The following DIAPH3 variants were observed in gnomAD, a reference collection of about 807,000 sequenced individuals.
DIAPH3 encodes diaphanous related formin 3, also known as protein diaphanous homolog 3.
Under a neutral mutation model 144.3 loss-of-function variants are expected in DIAPH3, and 117 were observed. The observed-to-expected ratio is 0.81, with a 90% CI of 0.70 to 0.95. The LOEUF (loss-of-function observed/expected upper bound fraction) is 0.95. Among genes scored for constraint, DIAPH3 ranks in the 40% least tolerant of loss-of-function variants. The pLI is 0.00. For missense variants in DIAPH3, 1,421 were observed against 1,412.7 expected (o/e 1.01, Z -0.09); for synonymous variants, 519 against 488.9 (o/e 1.06, Z -0.81).
chr13:59,940,332 T>C (rs1485226181), intron 17 of DIAPH3, among the ~76,000 whole-genome samples: 1 of 152,196 alleles, frequency 6.6e-6, no homozygotes, highest in Non-Finnish European at 1.5e-5. Context: ...TATCCCTTAC[T>C]GTAAACTCCC....
At chr13:59,926,649 C>T (rs1466552902) in intron 17 of DIAPH3, among the ~76,000 whole-genome samples, 1 of 152,060 alleles carries the variant, frequency 6.6e-6, no homozygotes, top group Non-Finnish European at 1.5e-5. Flanking sequence ...TCCCAAAGTT[C>T]CTGTTGTTGA....
At chr13:59,894,072 A>G (rs2045959469) in intron 20 of DIAPH3, among the ~76,000 whole-genome samples, 1 of 152,090 alleles carries the variant, frequency 6.6e-6, no homozygotes, top group Non-Finnish European at 1.5e-5. Context: ...ATTTCAAGCC[A>G]TTGATTTGGT....
intron 18 of DIAPH3, among the ~76,000 whole-genome samples, chr13:59,918,761 C>T (rs1056871827): frequency 5.3e-5 from 8 of 152,006 alleles, no homozygotes; most frequent in Non-Finnish European, 1.2e-4. Context: ...TAAATATCTA[C>T]TTCTTCAACA....
intron 9 of DIAPH3, among the ~76,000 whole-genome samples, chr13:59,998,990 G>C (rs12585987): frequency 0.063 from 9,624 of 152,028 alleles, 451 homozygotes; most frequent in East Asian, 0.28. Flanking sequence ...GAACAGAAGA[G>C]ACACTTAAAA....
intron 27 of DIAPH3, among the ~76,000 whole-genome samples, chr13:59,675,385 A>ATT (rs1220590409): frequency 9.4e-5 from 13 of 138,126 alleles, no homozygotes; most frequent in Non-Finnish European, 1.3e-4. Flanking sequence ...GCTATTTTTA[A>ATT]TTTTTTTTTT....
rs538179880 is a variant in DIAPH3 at position 59,905,773 on chromosome 13, T to A, written c.2367+5962A>T. 5.3e-5 allele frequency among the ~76,000 whole-genome samples: 8 copies of A among 152,136 alleles called. No homozygotes were observed. The South Asian group carries it at 8.3e-4, about 16-fold the overall frequency. ...GGGGTTGTGATGCCAAAAATAGAAG[T>A]CAGAGCAATGCTGAACCATGAGCCA... On this transcript the variant is annotated intron_variant, in intron 20 of 27. Coordinates refer to ENST00000400324, the MANE Select transcript of DIAPH3 (RefSeq NM_001042517.2).
intron 25 of DIAPH3, among the ~76,000 whole-genome samples, chr13:59,809,064 C>T (rs1018143033): frequency 1.3e-4 from 20 of 152,114 alleles, no homozygotes; most frequent in Non-Finnish European, 2.9e-4. Flanking sequence ...TTTCTTTGCC[C>T]TATCAAGTTT....
rs940636215 is a variant in DIAPH3 at position 59,853,461 on chromosome 13, T to A, written c.2737+7946A>T. Among the ~76,000 whole-genome samples, 3 of 152,040 alleles carry A rather than the reference T, an allele frequency of 2.0e-5. No homozygotes were observed. The East Asian group carries it at 5.8e-4, about 30-fold the overall frequency. On this transcript the variant is annotated intron_variant, in intron 22 of 27. Coordinates refer to ENST00000400324, the MANE Select transcript of DIAPH3 (RefSeq NM_001042517.2). ...TGCTGTTCTCATGATAGTGAGTGAG[T>A]TTTCACGAGATCTGGTTGTTTAAAA...
intron 27 of DIAPH3, among the ~76,000 whole-genome samples, chr13:59,759,896 G>A (rs1472994069): frequency 1.3e-5 from 2 of 152,050 alleles, no homozygotes; most frequent in Non-Finnish European, 2.9e-5. Flanking sequence ...GCAGTGAGCC[G>A]AGATCGCGCC....
At chr13:60,072,825 GTAA>G (rs1261775602) in intron 4 of DIAPH3, among the ~76,000 whole-genome samples, 1 of 152,236 alleles carries the variant, frequency 6.6e-6, no homozygotes, top group East Asian at 1.9e-4. Context: ...CACACATAAA[GTAA>G]TATTCATTTA....
chr13:59,778,336 C>T (rs1460906617), intron 25 of DIAPH3, among the ~76,000 whole-genome samples: 3 of 152,212 alleles, frequency 2.0e-5, no homozygotes, highest in South Asian at 2.1e-4. Flanking sequence ...CACTAAACCA[C>T]GAGCCCACTG....
At chr13:59,942,305 A>G (rs1418309761) in intron 17 of DIAPH3, among the ~76,000 whole-genome samples, 3 of 152,194 alleles carry the variant, frequency 2.0e-5, no homozygotes, top group African/African-American at 7.2e-5. Flanking sequence ...TGAAAAGCTA[A>G]GGTCATTTCT....
chr13:59,805,906 T>C (rs982094338), intron 25 of DIAPH3, among the ~76,000 whole-genome samples: 1 of 152,016 alleles, frequency 6.6e-6, no homozygotes, highest in African/African-American at 2.4e-5. Context: ...GATTTGGAAA[T>C]AGTTGCCTGT....
intron 2 of DIAPH3, 114 bp downstream of exon 2, chr13:60,132,843 A>G: frequency 1.2e-6 from 1 of 851,084 alleles, no homozygotes; most frequent in Non-Finnish European, 2.0e-6. Context: ...TAAGAATAGT[A>G]CGTTTCCAAT....
chr13:59,725,780 C>T (rs1169067483), intron 27 of DIAPH3, among the ~76,000 whole-genome samples: 1 of 152,118 alleles, frequency 6.6e-6, no homozygotes, highest in East Asian at 1.9e-4. Flanking sequence ...AGAACTGTCA[C>T]AGAAGGGGAG....
rs569427656 is a variant in DIAPH3, at chr13:59,854,437, T to C, written c.2737+6970A>G. Among the ~76,000 whole-genome samples, 15 of 152,312 alleles carry C rather than the reference T, an allele frequency of 9.8e-5. No individual in the cohort carries two copies. In the East Asian group the frequency reaches 2.7e-3, roughly 27 times the overall value. ...GTTTCTGGAGAGCAGCTGACAATTC[T>C]ACCTGCAGCATTTGATTATCTCCAT... On this transcript the variant is annotated intron_variant, in intron 22 of 27. Coordinates refer to ENST00000400324, the MANE Select transcript of DIAPH3 (RefSeq NM_001042517.2).
chr13:59,695,039 A>C (rs1398397173), intron 27 of DIAPH3, among the ~76,000 whole-genome samples: 1 of 152,204 alleles, frequency 6.6e-6, no homozygotes, highest in Non-Finnish European at 1.5e-5. Flanking sequence ...ACAGTCGATA[A>C]AAATGAATAT....
intron 24 of DIAPH3, among the ~76,000 whole-genome samples, chr13:59,828,012 C>T (rs1408391757): frequency 1.3e-5 from 2 of 151,940 alleles, no homozygotes; most frequent in Non-Finnish European, 2.9e-5. Flanking sequence ...TAAAACCAGT[C>T]ACAAATAGAA....
intron 17 of DIAPH3, among the ~76,000 whole-genome samples, chr13:59,957,606 G>A (rs570052713): frequency 1.2e-3 from 177 of 152,202 alleles, no homozygotes; most frequent in Non-Finnish European, 2.1e-3. Context: ...ACAAACTGCC[G>A]TTTTTCTTGC....
Sources: gnomAD v4.1 joint callset for allele counts (sites outside exome capture counted in the v4.1 genomes callset) on GRCh38, gnomAD v4.1.1 for gene constraint, MANE v1.5 for transcripts, NCBI Gene and HGNC (gene_info 2026-07-23, HGNC 2026-07-21) for gene names.